IL1RAP: variants seen among roughly 807,000 people sequenced by gnomAD.
IL1RAP encodes the protein interleukin-1 receptor accessory protein.
Under a neutral mutation model 60.7 loss-of-function variants are expected in IL1RAP, and 35 were observed. The observed-to-expected ratio is 0.58, with a 90% CI of 0.44 to 0.76. The LOEUF (loss-of-function observed/expected upper bound fraction) is 0.76. IL1RAP is among the 30% of genes least tolerant of loss of function. The pLI is 0.00. For missense variants in IL1RAP, 572 were observed against 693.9 expected, an observed-to-expected ratio of 0.82 and a Z score of 1.97; for synonymous variants, 268 against 250.9, an observed-to-expected ratio of 1.07 and a Z score of -0.64.
chr3:190,639,744 G>A (rs952722397), intron 9 of IL1RAP, among the ~76,000 whole-genome samples: 1 of 152,076 alleles, frequency 6.6e-6, no homozygotes, highest in African/African-American at 2.4e-5. Context: ...TTGTTCTAGA[G>A]GGTAATTAAA....
intron 1 of IL1RAP, among the ~76,000 whole-genome samples, chr3:190,532,832 G>A (rs1370310612): frequency 1.3e-5 from 2 of 152,192 alleles, no homozygotes; most frequent in Admixed American, 1.3e-4. Context: ...CTTGGACTGA[G>A]CCAGCCCATT....
At chr3:190,648,194 A>T in intron 11 of IL1RAP, 144 bp from the exon 12 acceptor site, 1 of 989,442 alleles carries the variant, frequency 1.0e-6, no homozygotes, top group Non-Finnish European at 1.5e-6. Context: ...TATAAGGATT[A>T]AGTTGTTCAC....
chr3:190,576,383 T>TAC (rs34872356), intron 3 of IL1RAP, among the ~76,000 whole-genome samples: 75,144 of 151,258 alleles, frequency 0.5, 19,598 homozygotes, highest in East Asian at 0.99. Flanking sequence ...TATATATATA[T>TAC]ACACACACAC....
intron 4 of IL1RAP, among the ~76,000 whole-genome samples, 175 bp downstream of exon 4, chr3:190,604,588 G>A (rs923259311): frequency 1.3e-5 from 2 of 152,144 alleles, no homozygotes; most frequent in Non-Finnish European, 2.9e-5. Flanking sequence ...AGAGAAATTG[G>A]TTGTGGCCCT....
At chr3:190,629,567 A>G in intron 9 of IL1RAP, 69 bp downstream of exon 9, 1 of 1,528,304 alleles carries the variant, frequency 6.5e-7, no homozygotes, top group Non-Finnish European at 8.8e-7. Context: ...GGACAAAAGG[A>G]GAGATTGAGA....
At chr3:190,603,106 G>A (rs75313863) in intron 3 of IL1RAP, among the ~76,000 whole-genome samples, 1,611 of 152,106 alleles carry the variant, frequency 0.011, 36 homozygotes, top group African/African-American at 0.037. Flanking sequence ...TTACGCACAA[G>A]GACAGTGCAG....
At chr3:190,616,334 G>T (rs1365178534) in intron 5 of IL1RAP, among the ~76,000 whole-genome samples, 1 of 151,880 alleles carries the variant, frequency 6.6e-6, no homozygotes, top group African/African-American at 2.4e-5. Flanking sequence ...ATAAAACTGA[G>T]CTAACTATAT....
At chr3:190,655,009 A>T (rs529901201), downstream of IL1RAP, among the ~76,000 whole-genome samples, 120 of 152,074 alleles carry the variant, frequency 7.9e-4, 1 homozygote, top group Non-Finnish European at 1.6e-3. Context: ...TGCCCCTTTA[A>T]TTCCAATTCT....
intron 3 of IL1RAP, among the ~76,000 whole-genome samples, chr3:190,569,459 C>T (rs1191790413): frequency 3.3e-5 from 5 of 152,134 alleles, no homozygotes; most frequent in African/African-American, 4.8e-5. Context: ...GTAATTTAGT[C>T]CAAACATTTG....
Position 190,645,712 on chromosome 3 carries a change from T to G in IL1RAP, c.1215T>G (p.Tyr405Ter). 6.2e-7 allele frequency: 1 copy of G among 1,611,472 alleles called. No homozygotes were observed. The highest frequency in any genetic ancestry group is 8.5e-7 in the Non-Finnish European group (1 of 1,177,976). ...TCCTTTTGCTAGATGGAAAAGAGTA[T>G]GATATTTATGTATCCTATGCAAGGA... ...TDETILDGKE[Y>*]DIYVSYARNA... Residue 405 changes from tyrosine (Y) to a stop codon, truncating the protein, a stop_gained, in exon 11 of 12, where the codon TAT (tyrosine) becomes TAG (stop). Transcript: ENST00000447382. LOFTEE classifies it high-confidence loss of function.
In IL1RAP at chr3:190,597,146, C is replaced by T. The variant is rs148219391; in HGVS notation, c.65-6982C>T. Among the ~76,000 whole-genome samples, 48 of 152,210 alleles carry T rather than the reference C, an allele frequency of 3.2e-4. 1 individual carries two copies. The highest frequency in any genetic ancestry group is 1.1e-3 in the African/African-American group (47 of 41,542). The stretch of plus-strand genomic sequence containing the variant: ...AGATACATGGCAGGTATAATTATTT[C>T]CTTTCCCTTTAAAAATGTATTGAAT... On this transcript the variant is annotated intron_variant, in intron 3 of 11. Coordinates refer to ENST00000447382, the MANE Select transcript of IL1RAP (RefSeq NM_002182.4).
chr3:190,582,543 C>A (rs140877895), intron 3 of IL1RAP, among the ~76,000 whole-genome samples: 8,217 of 152,170 alleles, frequency 0.054, 304 homozygotes, highest in Non-Finnish European at 0.078. Flanking sequence ...GTCTCAAACT[C>A]CTGACCTCAG....
At chr3:190,560,824 G>A (rs892243107) in intron 2 of IL1RAP, among the ~76,000 whole-genome samples, 4 of 152,198 alleles carry the variant, frequency 2.6e-5, no homozygotes, top group Non-Finnish European at 5.9e-5. Context: ...TGCTGAGCAC[G>A]TGAAGACCCA....
At chr3:190,591,819 C>T (rs1287917317) in intron 3 of IL1RAP, among the ~76,000 whole-genome samples, 1 of 152,024 alleles carries the variant, frequency 6.6e-6, no homozygotes, top group African/African-American at 2.4e-5. Context: ...AAAAAACCCC[C>T]ACAAAAACAA....
intron 11 of IL1RAP, 27 bp downstream of exon 11, chr3:190,645,869 A>ATGC: frequency 6.3e-7 from 1 of 1,592,892 alleles, no homozygotes; most frequent in Non-Finnish European, 8.6e-7. Flanking sequence ...AGTACAAATG[A>ATGC]TGCTACCTTG....
downstream of IL1RAP, chr3:190,655,764 C>T (rs985989105): frequency 1.1e-5 from 7 of 633,032 alleles, no homozygotes; most frequent in African/African-American, 3.8e-5. Flanking sequence ...GTAAATTATT[C>T]AGCACTGAGA....
chr3:190,651,607 A>C (rs1385848463), downstream of IL1RAP: 2 of 159,946 alleles, frequency 1.3e-5, no homozygotes, highest in African/African-American at 2.4e-5. Flanking sequence ...TTATATTCAC[A>C]AAGAAATATA....
At chr3:190,555,926 G>GTCTGTCTATCTATCTATCTA (rs1553836079) in intron 1 of IL1RAP, 2 of 145,028 alleles carry the variant, frequency 1.4e-5, no homozygotes, top group African/African-American at 2.6e-5. Context: ...ATAGAGATCT[G>GTCTGTCTATCTATCTATCTA]TCTATCTATC....
At chr3:190,586,755 T>G (rs1728495746) in intron 3 of IL1RAP, among the ~76,000 whole-genome samples, 1 of 151,900 alleles carries the variant, frequency 6.6e-6, no homozygotes. Flanking sequence ...CATTTCTGAC[T>G]CCTCTGCTTT....
Sources: allele counts gnomAD v4.1 joint callset (sites outside exome capture counted in the v4.1 genomes callset), GRCh38; gene constraint gnomAD v4.1.1; transcripts MANE v1.5; gene names NCBI Gene and HGNC (gene_info 2026-07-23, HGNC 2026-07-21).